KNL1: variants seen among roughly 807,000 people sequenced by gnomAD.
KNL1 encodes kinetochore scaffold 1.
In KNL1, 66 loss-of-function variants were observed where a neutral mutation model predicts 201.3. That is an observed-to-expected ratio of 0.33 (90% CI 0.27 to 0.40). The LOEUF is 0.40. Ranked by LOEUF, KNL1 falls within the 10% of genes least tolerant of loss-of-function variation. The pLI, the probability that KNL1 is intolerant of heterozygous loss-of-function variation, is 1.00. For synonymous variants in KNL1, 895 were observed against 899.2 expected (o/e 1.00, Z 0.08); for missense variants, 2,815 against 2,690.5 (o/e 1.05, Z -1.02).
rs370528508 is a variant in KNL1 at position 40,623,882 on chromosome 15, C to T, written c.3618C>T (p.Ser1206=). The change falls in exon 10 of 26, where the codon AGC becomes AGT. Residue 1206 remains serine (S), a synonymous_variant. Coordinates refer to ENST00000399668, the MANE Select transcript of KNL1 (RefSeq NM_144508.5). ...NLGVSFPKDN[S]CVQEIAEKQA... is the part of the protein sequence containing the mutation. ...GTGTTTCCTTTCCTAAGGATAATAGCTGTGTTCAAGAAATCGCTGAAAAAC... is the reference window on the plus strand; with the variant it reads ...GTGTTTCCTTTCCTAAGGATAATAGTTGTGTTCAAGAAATCGCTGAAAAAC... 2.5e-6 allele frequency: 4 copies of T among 1,613,362 alleles called. No homozygotes were observed. In the African/African-American group the frequency reaches 4.0e-5, roughly 16 times the overall value.
chr15:40,639,273 G>C (rs1207687131), intron 13 of KNL1, among the ~76,000 whole-genome samples: 1 of 146,770 alleles, frequency 6.8e-6, no homozygotes, highest in Non-Finnish European at 1.5e-5. Context: ...GGGCAACGTA[G>C]CAAAACCCCA....
At chr15:40,653,845 T>C (rs535877522) in intron 21 of KNL1, among the ~76,000 whole-genome samples, 3 of 150,282 alleles carry the variant, frequency 2.0e-5, no homozygotes, top group African/African-American at 7.3e-5. Flanking sequence ...AACACCTTCA[T>C]GCTGATGTTT....
intron 19 of KNL1, among the ~76,000 whole-genome samples, chr15:40,651,215 G>C (rs1893548953): frequency 6.7e-6 from 1 of 149,892 alleles, no homozygotes; most frequent in Non-Finnish European, 1.5e-5. Context: ...GAATCCCAAG[G>C]ATATCTTCAT....
chr15:40,654,812 TG>T, intron 21 of KNL1, 96 bp from the exon 22 acceptor site: 2 of 836,610 alleles, frequency 2.4e-6, no homozygotes, highest in East Asian at 2.6e-5. Context: ...GAGCTTGCAG[TG>T]GGCCAAGACT....
In KNL1 at chr15:40,663,685, T is replaced by C. The variant is rs747313683; in HGVS notation, c.*1497T>C. On this transcript the variant is annotated 3_prime_UTR_variant, in exon 26 of 26. Transcript: ENST00000399668. ...TGATGCCATACCCTTGTCATACATATTATTAAATGACCAATATTATGTATG... is the reference window on the plus strand; with the variant it reads ...TGATGCCATACCCTTGTCATACATACTATTAAATGACCAATATTATGTATG... 5 of 195,030 alleles carry C rather than the reference T, an allele frequency of 2.6e-5. No individual in the cohort carries two copies. The highest frequency in any genetic ancestry group is 4.3e-5 in the Non-Finnish European group (4 of 93,758). The allele number at this position is 195,030 out of a possible 1,614,324, so 12.1% of individuals were successfully genotyped here. A position where few individuals can be genotyped will look rare whatever the true frequency, so the allele number is the denominator to read the frequency against.
intron 1 of KNL1, among the ~76,000 whole-genome samples, chr15:40,601,859 CTTT>C (rs36046773): frequency 4.6e-5 from 3 of 64,620 alleles, no homozygotes; most frequent in African/African-American, 1.2e-4. Flanking sequence ...AAAAATGCAT[CTTT>C]TTTTTTTTTT....
chr15:40,612,317 A>G (rs914718874), intron 7 of KNL1, among the ~76,000 whole-genome samples: 3 of 151,548 alleles, frequency 2.0e-5, no homozygotes, highest in African/African-American at 4.8e-5. Context: ...CTCCGTCTCA[A>G]AAAAACAAAA....
Position 40,624,378 on chromosome 15 carries a change from C to G in KNL1, c.4114C>G (p.Gln1372Glu). 4 of 1,613,876 alleles carry G rather than the reference C, an allele frequency of 2.5e-6. No individual in the cohort carries two copies. Among genetic ancestry groups the G allele is most frequent in the Non-Finnish European group, 3.4e-6 (4 of 1,179,852 alleles). The change falls in exon 10 of 26, where the codon CAA becomes GAA. Residue 1372 changes from glutamine (Q) to glutamate (E), a missense_variant. Physicochemically the swap from Gln to Glu is conservative, Grantham distance 29. Coordinates refer to ENST00000399668, the MANE Select transcript of KNL1 (RefSeq NM_144508.5). ...CPLLEKEEVI[Q>E]TSTKGQLDCV... ...TTTGTTAGAGAAGGAAGAAGTTATTCAAACCAGTACCAAAGGACAGTTAGA... is the reference window on the plus strand; with the variant it reads ...TTTGTTAGAGAAGGAAGAAGTTATTGAAACCAGTACCAAAGGACAGTTAGA...
intron 9 of KNL1, 107 bp from the exon 10 acceptor site, chr15:40,620,533 C>A (rs930104077): frequency 7.7e-5 from 48 of 627,442 alleles, no homozygotes; most frequent in Middle Eastern, 4.4e-4. Context: ...AGCAAACCAA[C>A]GTGTTATGAA....
chr15:40,639,680 TG>T (rs1229878217), intron 13 of KNL1, among the ~76,000 whole-genome samples: 62 of 151,822 alleles, frequency 4.1e-4, no homozygotes, highest in Middle Eastern at 6.8e-3. Context: ...AGGCTGAGGT[TG>T]GGGGACTGCT....
intron 17 of KNL1, among the ~76,000 whole-genome samples, chr15:40,649,938 A>G (rs187533910): frequency 6.6e-6 from 1 of 152,146 alleles, no homozygotes; most frequent in East Asian, 1.9e-4. Flanking sequence ...TTCCTGATTA[A>G]ATTATAAGCT....
chr15:40,629,396 GT>G, intron 13 of KNL1, 25 bp downstream of exon 13: 1 of 1,330,504 alleles, frequency 7.5e-7, no homozygotes, highest in Non-Finnish European at 1.0e-6. Flanking sequence ...TTGGCAAAAT[GT>G]TTGCATCAAA....
At chr15:40,627,979 TG>T in intron 10 of KNL1, 90 bp from the exon 11 acceptor site, 1 of 806,846 alleles carries the variant, frequency 1.2e-6, no homozygotes, top group Non-Finnish European at 1.9e-6. Flanking sequence ...ATAGATTAAT[TG>T]TATGTTAGAA....
At chr15:40,658,143 G>C (rs1441395282) in intron 24 of KNL1, among the ~76,000 whole-genome samples, 1 of 151,990 alleles carries the variant, frequency 6.6e-6, no homozygotes, top group Non-Finnish European at 1.5e-5. Flanking sequence ...GTGGGCGCCT[G>C]TAGTCCCAGC....
rs745910616 is a variant in KNL1 at position 40,645,695 on chromosome 15, T to C, written c.5929T>C (p.Cys1977Arg). ...AATTTATCTTAACAAAATAAAGTCA[T>C]GTTTTACCAAGATGACTAAAGTCTT... ...FGIYLNKIKS[C>R]FTKMTKVFTH... is the part of the protein sequence containing the mutation. The change falls in exon 16 of 26, where the codon TGT (cysteine) becomes CGT (arginine). Residue 1977 changes from cysteine to arginine, a missense_variant. This residue lies in a region of KNL1 where 17 missense variants were observed against 36.2 expected (regional missense o/e 0.47). Transcript: ENST00000399668. The C allele has an allele frequency of 1.9e-5, 30 of 1,610,316 alleles. No homozygotes were observed. In the Admixed American group the frequency reaches 2.0e-4, roughly 11 times the overall value.
Position 40,624,715 on chromosome 15 carries a change from C to G in KNL1, c.4451C>G (p.Pro1484Arg). Residue 1484 changes from proline (P) to arginine (R), a missense_variant, in exon 10 of 26, where the codon CCC (proline) becomes CGC (arginine). By Grantham distance (103) the Pro-to-Arg change is moderately radical. Around this residue, in one of 3 missense-constraint regions of KNL1, gnomAD observed 2,464 missense variants for 2,291.7 expected, o/e 1.08. Coordinates refer to ENST00000399668, the MANE Select transcript of KNL1 (RefSeq NM_144508.5). Reference sequence around the variant, plus strand: ...AATATTATAGAAAATTCCTCTGCACCCATATGTGAAAACAAGCCCAAAATA... The same window carrying G: ...AATATTATAGAAAATTCCTCTGCACGCATATGTGAAAACAAGCCCAAAATA... ...SLNIIENSSAPICENKPKILN... is the reference protein window; with the variant it reads ...SLNIIENSSARICENKPKILN... 1 of 1,613,310 alleles carries G rather than the reference C, an allele frequency of 6.2e-7. No homozygotes were observed. The highest frequency in any genetic ancestry group is 8.5e-7 in the Non-Finnish European group (1 of 1,179,738).
chr15:40,603,057 C>T, intron 2 of KNL1, 91 bp downstream of exon 2: 10 of 801,056 alleles, frequency 1.2e-5, no homozygotes, highest in African/African-American at 3.6e-5. Context: ...CTTCTGAGAT[C>T]TTTTTCCATT....
chr15:40,612,981 A>G (rs1258810601), intron 7 of KNL1, among the ~76,000 whole-genome samples: 3 of 152,314 alleles, frequency 2.0e-5, no homozygotes, highest in African/African-American at 7.2e-5. Flanking sequence ...TCTCACCAAT[A>G]TACGTGTAAA....
In KNL1 at chr15:40,625,472, G is replaced by A; in HGVS notation, c.5208G>A (p.Lys1736=). 6.2e-7 allele frequency: 1 copy of A among 1,613,872 alleles called. No homozygotes were observed. The highest frequency in any genetic ancestry group is 8.5e-7 in the Non-Finnish European group (1 of 1,179,982). ...SDSINIETEE[K]ALIETYQKEI... ...CTATTAACATAGAAACTGAGGAAAA[G>A]GCCTTGATTGAGACATACCAAAAAG... Residue 1736 remains lysine, a synonymous_variant, in exon 10 of 26, where the codon AAG becomes AAA. Coordinates refer to ENST00000399668, the MANE Select transcript of KNL1 (RefSeq NM_144508.5).
Sources: allele counts gnomAD v4.1 joint callset (sites outside exome capture counted in the v4.1 genomes callset), GRCh38; gene constraint gnomAD v4.1.1; regional missense constraint gnomAD v4.1.1; transcripts MANE v1.5; gene names NCBI Gene and HGNC (gene_info 2026-07-23, HGNC 2026-07-21).